The following INPP4B variants were observed in gnomAD, a reference collection of about 807,000 sequenced individuals.
The protein encoded by INPP4B is inositol polyphosphate 4-phosphatase type II.
INPP4B carries 55 observed loss-of-function variants against 122.5 expected under a neutral mutation model. The ratio of observed to expected loss-of-function variants is 0.45; its 90% CI spans 0.36 to 0.56. The LOEUF is 0.56. INPP4B is among the 20% of genes least tolerant of loss of function. The pLI is 0.00. For missense variants in INPP4B, 1,000 were observed against 1,097.7 expected (o/e 0.91, Z 1.26); for synonymous variants, 403 against 388.7 (o/e 1.04, Z -0.43).
chr4:142,063,994 A>C (rs534990517), intron 25 of INPP4B, among the ~76,000 whole-genome samples: 1 of 152,314 alleles, frequency 6.6e-6, no homozygotes, highest in African/African-American at 2.4e-5. Context: ...GAAGGTTATA[A>C]CTGACTACAT....
chr4:142,250,037 G>T (rs1368583557), intron 11 of INPP4B, among the ~76,000 whole-genome samples: 1 of 152,200 alleles, frequency 6.6e-6, no homozygotes, highest in East Asian at 1.9e-4. Context: ...TTGTTAGAAA[G>T]TCAAACTAAG....
At chr4:142,563,466 A>T (rs953254863) in intron 2 of INPP4B, among the ~76,000 whole-genome samples, 2 of 152,208 alleles carry the variant, frequency 1.3e-5, no homozygotes, top group African/African-American at 4.8e-5. Flanking sequence ...GAAGATTAAA[A>T]TGAAATGAGG....
intron 5 of INPP4B, among the ~76,000 whole-genome samples, chr4:142,409,408 G>A (rs749361618): frequency 2.4e-4 from 36 of 152,054 alleles, no homozygotes; most frequent in African/African-American, 3.1e-4. Flanking sequence ...TGGGAGAGTC[G>A]CTTGAACCCG....
intron 12 of INPP4B, among the ~76,000 whole-genome samples, chr4:142,215,646 C>A (rs1846793759): frequency 6.6e-6 from 1 of 151,856 alleles, no homozygotes; most frequent in Non-Finnish European, 1.5e-5. Context: ...AAGCAACCTG[C>A]ACTTTGGGAG....
At chr4:142,362,191 G>A (rs549619931) in intron 7 of INPP4B, among the ~76,000 whole-genome samples, 1 of 152,028 alleles carries the variant, frequency 6.6e-6, no homozygotes, top group Non-Finnish European at 1.5e-5. Context: ...ACTCAGCTCA[G>A]CTGGAGAAAC....
At chr4:142,245,873 C>T (rs1219523345) in intron 11 of INPP4B, among the ~76,000 whole-genome samples, 1 of 27,138 alleles carries the variant, frequency 3.7e-5, no homozygotes, top group Non-Finnish European at 9.4e-5. Context: ...TGTATGTATA[C>T]ATATATATGT....
At position 142,186,212 on chromosome 4, in the gene INPP4B, C is replaced by T. The variant is rs534944419; in HGVS notation, c.1181+6875G>A. ...TATTTACATAAATAATAGCTAATAT[C>T]GATTAAGACTTCATCATGTGCCAGG... is the stretch of plus-strand genomic sequence containing the variant. On this transcript the variant is annotated intron_variant, in intron 15 of 25. Coordinates refer to ENST00000262992, the MANE Select transcript of INPP4B (RefSeq NM_001101669.3). 5.9e-5 allele frequency among the ~76,000 whole-genome samples: 9 copies of T among 152,214 alleles called. No homozygotes were observed. The South Asian group carries it at 1.7e-3, about 28-fold the overall frequency.
chr4:142,114,463 T>C (rs981209033), intron 21 of INPP4B, among the ~76,000 whole-genome samples: 2 of 152,112 alleles, frequency 1.3e-5, no homozygotes, highest in South Asian at 2.1e-4. Flanking sequence ...CTGATGATTC[T>C]AGTGTGAAGG....
Position 142,586,130 on chromosome 4 carries a change from C to T in INPP4B, c.-190-123404G>A, listed in dbSNP as rs150641990. Among the ~76,000 whole-genome samples, 110 of 151,950 alleles carry T rather than the reference C, an allele frequency of 7.2e-4. No homozygotes were observed. The Middle Eastern group carries it at 0.014, about 19-fold the overall frequency. ...TTGGAGACCAGCCTGGGCAACAAGA[C>T]AAAATGCTGTCTCCACTAAAAATGC... On this transcript the variant is annotated intron_variant, in intron 2 of 25. Transcript: ENST00000262992.
chr4:142,497,519 A>G (rs1822744804), intron 2 of INPP4B, among the ~76,000 whole-genome samples: 1 of 152,192 alleles, frequency 6.6e-6, no homozygotes, highest in Admixed American at 6.6e-5. Flanking sequence ...AAGATGTTTC[A>G]TAGTGTTTAA....
At chr4:142,682,125 T>C (rs1381435243) in intron 2 of INPP4B, among the ~76,000 whole-genome samples, 3 of 151,918 alleles carry the variant, frequency 2.0e-5, no homozygotes, top group African/African-American at 7.2e-5. Flanking sequence ...TGAAAACAAA[T>C]GTTATAATGA....
intron 7 of INPP4B, among the ~76,000 whole-genome samples, chr4:142,376,724 T>C (rs1052234185): frequency 1.1e-4 from 17 of 151,996 alleles, no homozygotes; most frequent in African/African-American, 4.1e-4. Flanking sequence ...CTTAATACTG[T>C]TCCTGAGAAA....
Position 142,384,673 on chromosome 4 carries a change from CTTTAA to C in INPP4B, c.372+18260_372+18264del, listed in dbSNP as rs572495287. ...CTGTATATCTCTTGATTATAATGCCCTTTAATTTATTTTTATTTTATTTAACTTTT... is the reference window on the plus strand; with the variant it reads ...CTGTATATCTCTTGATTATAATGCCCTTTATTTTTATTTTATTTAACTTTT... On this transcript the variant is annotated intron_variant, in intron 7 of 25. Coordinates refer to ENST00000262992, the MANE Select transcript of INPP4B (RefSeq NM_001101669.3). 1.1e-4 allele frequency among the ~76,000 whole-genome samples: 17 copies of C among 152,170 alleles called. No individual in the cohort carries two copies. The East Asian group carries it at 2.5e-3, about 22-fold the overall frequency.
intron 1 of INPP4B, among the ~76,000 whole-genome samples, chr4:142,756,240 G>C (rs1770502442): frequency 6.6e-6 from 1 of 152,060 alleles, no homozygotes; most frequent in African/African-American, 2.4e-5. Flanking sequence ...GACCATGAAG[G>C]AAGTTAGCCT....
rs553369761 is a variant in INPP4B at position 142,365,615 on chromosome 4, T to C, written c.372+37323A>G. Among the ~76,000 whole-genome samples the C allele has an allele frequency of 7.2e-5, 11 of 152,262 alleles. No homozygotes were observed. In the East Asian group the frequency reaches 1.9e-3, roughly 27 times the overall value. On this transcript the variant is annotated intron_variant, in intron 7 of 25. Coordinates refer to ENST00000262992, the MANE Select transcript of INPP4B (RefSeq NM_001101669.3). ...CAGACATGTGGCTACATCAATTAAA[T>C]GCGATGTGTATTCACAACATTAGTC...
chr4:142,103,596 G>A (rs1302931878), intron 23 of INPP4B, among the ~76,000 whole-genome samples: 3 of 152,018 alleles, frequency 2.0e-5, no homozygotes, highest in South Asian at 2.1e-4. Context: ...CTCCAAAAGA[G>A]CAACTATTGT....
intron 10 of INPP4B, among the ~76,000 whole-genome samples, chr4:142,261,889 A>AT (rs1438312095): frequency 6.6e-6 from 1 of 152,216 alleles, no homozygotes; most frequent in Non-Finnish European, 1.5e-5. Context: ...AAGTGCTTTC[A>AT]TAATTTCTTT....
intron 1 of INPP4B, among the ~76,000 whole-genome samples, chr4:142,741,337 G>C (rs907743595): frequency 6.6e-6 from 1 of 151,910 alleles, no homozygotes; most frequent in Non-Finnish European, 1.5e-5. Context: ...GGAGAGAGAC[G>C]AGGAGGAGCC....
At chr4:142,342,492 A>C (rs925390907) in intron 7 of INPP4B, among the ~76,000 whole-genome samples, 7 of 152,056 alleles carry the variant, frequency 4.6e-5, no homozygotes, top group Non-Finnish European at 8.8e-5. Context: ...CCAATCTCTC[A>C]ACTCTTAGGT....
Sources: allele counts gnomAD v4.1 joint callset (sites outside exome capture counted in the v4.1 genomes callset), GRCh38; gene constraint gnomAD v4.1.1; transcripts MANE v1.5; gene names NCBI Gene and HGNC (gene_info 2026-07-23, HGNC 2026-07-21).